SSC5D: variants seen among roughly 807,000 people sequenced by gnomAD.
SSC5D encodes the protein soluble scavenger receptor cysteine-rich domain-containing protein SSC5D.
In SSC5D, 106 loss-of-function variants were observed where a neutral mutation model predicts 104.6. The ratio of observed to expected loss-of-function variants is 1.01; its 90% CI spans 0.87 to 1.19. The LOEUF (loss-of-function observed/expected upper bound fraction) is 1.19, where lower values mean the gene tolerates loss of function less well. Among genes scored for constraint, SSC5D ranks in the 50% most tolerant of loss-of-function variants. The pLI is 0.00. For synonymous variants in SSC5D, 860 were observed against 883.5 expected (o/e 0.97, Z 0.47); for missense variants, 1,993 against 2,153.8 (o/e 0.93, Z 1.48).
intron 6 of SSC5D, chr19:55,491,281 C>G (rs1278405878): frequency 1.6e-6 from 1 of 641,580 alleles, no homozygotes. Flanking sequence ...ATGGGAGGAG[C>G]AGGCTTGAGG....
chr19:55,506,417 C>T (rs1466482381), intron 12 of SSC5D, among the ~76,000 whole-genome samples: 15 of 102,602 alleles, frequency 1.5e-4, no homozygotes, highest in African/African-American at 5.6e-4. Flanking sequence ...TTTTTTGAGA[C>T]GGAGTCTCGC....
intron 9 of SSC5D, among the ~76,000 whole-genome samples, chr19:55,498,468 C>G (rs962171649): frequency 3.3e-5 from 5 of 152,220 alleles, no homozygotes; most frequent in Admixed American, 3.3e-4. Context: ...GGGATTCCCA[C>G]TCAGAGAAGC....
chr19:55,488,985 A>AC, intron 1 of SSC5D, 21 bp from the exon 2 acceptor site: 1 of 1,178,106 alleles, frequency 8.5e-7, no homozygotes, highest in South Asian at 1.7e-5. Context: ...ACACTGCCCC[A>AC]CCCTCCGCCC....
chr19:55,515,738 AAAAAT>A (rs1568485204), intron 13 of SSC5D, among the ~76,000 whole-genome samples: 1 of 149,986 alleles, frequency 6.7e-6, no homozygotes. Flanking sequence ...TCTCAAAAAA[AAAAAT>A]AAAATAAAAT....
chr19:55,501,312 AC>A (rs1987498013), intron 12 of SSC5D, 111 bp downstream of exon 12: 1 of 1,321,080 alleles, frequency 7.6e-7, no homozygotes, highest in South Asian at 1.6e-5. Flanking sequence ...GCCTCGGGGC[AC>A]CCTGGAAAGG....
In SSC5D at chr19:55,512,909, C is replaced by T. The variant is rs767725850; in HGVS notation, c.2786-102C>T. On this transcript the variant is annotated intron_variant, in intron 12 of 13. Coordinates refer to ENST00000389623, the MANE Select transcript of SSC5D (RefSeq NM_001144950.2). ...GGCTGCAGTGGCGGTGCAGTTGAGA[C>T]GGGATGATGCCTGAACTGGGGCTGG... is the stretch of plus-strand genomic sequence containing the variant. 3.6e-5 allele frequency: 51 copies of T among 1,410,268 alleles called. No individual in the cohort carries two copies. The East Asian group carries it at 8.0e-4, about 22-fold the overall frequency. The allele number at this position is 1,410,268 out of a possible 1,614,324, so 87.4% of individuals were successfully genotyped here.
chr19:55,516,268 C>T (rs970441144), intron 13 of SSC5D, among the ~76,000 whole-genome samples: 21 of 151,920 alleles, frequency 1.4e-4, no homozygotes, highest in Admixed American at 1.4e-3. Flanking sequence ...GAGGCCCAGG[C>T]GGGCGGATCA....
intron 13 of SSC5D, among the ~76,000 whole-genome samples, chr19:55,516,413 T>C (rs894016229): frequency 2.7e-5 from 4 of 150,898 alleles, no homozygotes; most frequent in African/African-American, 7.3e-5. Context: ...AGGAGAATGG[T>C]GTGAACCCGG....
chr19:55,488,728 A>T lies in SSC5D; in HGVS notation c.25+114A>T, dbSNP rs1025356801. On this transcript the variant is annotated intron_variant, in intron 1 of 13. Coordinates refer to ENST00000389623, the MANE Select transcript of SSC5D (RefSeq NM_001144950.2). ...CGGGACTGGTCGCTGGTGCTCCTGC[A>T]TACCCTGACATCCCTTCTGAGGATC... The T allele has an allele frequency of 6.5e-6, 6 of 918,500 alleles. No homozygotes were observed. In the East Asian group the frequency reaches 1.6e-4, roughly 24 times the overall value. The allele number at this position is 918,500 out of a possible 1,614,324, so 56.9% of individuals were successfully genotyped here.
Position 55,488,992 on chromosome 19 carries a change from G to A in SSC5D, c.26-14G>A, listed in dbSNP as rs1987041927. ...TGCCCCTCACACTGCCCCACCCTCC[G>A]CCCTCCCTTCCAGCGGCCCTGGTGG... On this transcript the variant is annotated splice_polypyrimidine_tract_variant and intron_variant, in intron 1 of 13. Transcript: ENST00000389623. 7 of 1,463,802 alleles carry A rather than the reference G, an allele frequency of 4.8e-6. No individual in the cohort carries two copies. Among genetic ancestry groups the A allele is most frequent in the African/African-American group, 1.5e-5 (1 of 67,140 alleles). 90.7% of individuals were successfully genotyped at this position (1,463,802 alleles called of 1,614,324 possible). A position where few individuals can be genotyped will look rare whatever the true frequency, so the allele number is the denominator to read the frequency against.
At chr19:55,490,743 A>G in intron 5 of SSC5D, 29 bp from the exon 6 acceptor site, 1 of 1,458,884 alleles carries the variant, frequency 6.9e-7, no homozygotes, top group Non-Finnish European at 9.0e-7. Flanking sequence ...CTCACTGGCC[A>G]CACCGTCCCC....
chr19:55,514,847 T>TA (rs1269307204), intron 13 of SSC5D, among the ~76,000 whole-genome samples: 1 of 152,086 alleles, frequency 6.6e-6, no homozygotes, highest in East Asian at 1.9e-4. Flanking sequence ...GCAAGGGAGA[T>TA]ACGCGGATCA....
At chr19:55,507,719 C>T (rs1397796943) in intron 12 of SSC5D, among the ~76,000 whole-genome samples, 1 of 150,264 alleles carries the variant, frequency 6.7e-6, no homozygotes, top group Non-Finnish European at 1.5e-5. Context: ...TAAGAAGGTG[C>T]CATTTAAGTG....
chr19:55,501,091 AC>A lies in SSC5D; in HGVS notation c.2677del (p.Leu893TrpfsTer30), dbSNP rs1568480215. 1 of 1,551,684 alleles carries A rather than the reference AC, an allele frequency of 6.4e-7. No homozygotes were observed. Among genetic ancestry groups the A allele is most frequent in the Non-Finnish European group, 8.7e-7 (1 of 1,146,962 alleles). ...ACCTGGGACCCCACCTCAAGAGAGG[AC>A]CTGGCCAAGGGGACTACCACAGCGG... ...PWTWDPTSRE[D>X]LAKGTTTAGV... On this transcript the variant is annotated frameshift_variant, in exon 12 of 14. Coordinates refer to ENST00000389623, the MANE Select transcript of SSC5D (RefSeq NM_001144950.2). LOFTEE classifies it high-confidence loss of function.
chr19:55,488,623 T>A lies in SSC5D; in HGVS notation c.25+9T>A. 2 of 1,549,658 alleles carry A rather than the reference T, an allele frequency of 1.3e-6. No homozygotes were observed. Among genetic ancestry groups the A allele is most frequent in the Non-Finnish European group, 1.7e-6 (2 of 1,146,176 alleles). On this transcript the variant is annotated intron_variant, in intron 1 of 13. Coordinates refer to ENST00000389623, the MANE Select transcript of SSC5D (RefSeq NM_001144950.2). Reference sequence around the variant, plus strand: ...CTTGGCCTGCCTCCTTGGTGAGTGATCCATTCTCCTTGGGGACTCGGGGGG... The same window carrying A: ...CTTGGCCTGCCTCCTTGGTGAGTGAACCATTCTCCTTGGGGACTCGGGGGG...
In SSC5D at chr19:55,518,033, T is replaced by G. The variant is rs1327485454; in HGVS notation, c.3757T>G (p.Ser1253Ala). 1.0e-6 allele frequency: 1 copy of G among 997,488 alleles called. No individual in the cohort carries two copies. 61.8% of individuals were successfully genotyped at this position (997,488 alleles called of 1,614,324 possible). ...TTPHPTTITH[S>A]TMIPDPTTTP... The stretch of plus-strand genomic sequence containing the variant: ...CCCTCATCCCACCACCATCACTCAC[T>G]CCACCATGATTCCTGACCCCACCAC... Residue 1253 changes from serine to alanine, a missense_variant, in exon 14 of 14, where the codon TCC becomes GCC. Physicochemically the swap from Ser to Ala is moderately conservative, Grantham distance 99 (BLOSUM62 1). This residue lies in a region of SSC5D where 20 missense variants were observed against 102.5 expected (regional missense o/e 0.20). Transcript: ENST00000389623.
At position 55,518,141 on chromosome 19, in the gene SSC5D, C is replaced by T; in HGVS notation, c.3865C>T (p.Pro1289Ser). Reference protein sequence around the residue: ...TTPHPTTTPHPTTTPHPTTTP... With the variant: ...TTPHPTTTPHSTTTPHPTTTP... The stretch of plus-strand genomic sequence containing the variant: ...CCCTCACCCCACCACGACTCCTCAC[C>T]CCACCACAACCCCTCACCCCACCAC... Residue 1289 changes from proline to serine, a missense_variant, in exon 14 of 14, where the codon CCC becomes TCC. By Grantham distance (74) the Pro-to-Ser change is moderately conservative. This residue lies in a region of SSC5D where 349 missense variants were observed against 397.6 expected (regional missense o/e 0.88). Transcript: ENST00000389623. 3 of 1,441,888 alleles carry T rather than the reference C, an allele frequency of 2.1e-6. No individual in the cohort carries two copies. The highest frequency in any genetic ancestry group is 9.3e-7 in the Non-Finnish European group (1 of 1,076,068). 89.3% of individuals were successfully genotyped at this position (1,441,888 alleles called of 1,614,324 possible).
rs1345601112 is a variant in SSC5D at position 55,517,794 on chromosome 19, C to T, written c.3518C>T (p.Pro1173Leu). The T allele has an allele frequency of 3.6e-5, 55 of 1,548,904 alleles. No individual in the cohort carries two copies. The highest frequency in any genetic ancestry group is 4.6e-5 in the Non-Finnish European group (53 of 1,145,926). Residue 1173 changes from proline (P) to leucine (L), a missense_variant, in exon 14 of 14, where the codon CCT becomes CTT. Coordinates refer to ENST00000389623, the MANE Select transcript of SSC5D (RefSeq NM_001144950.2). ...PITTLNPTVT[P>L]HFPTTPHPTT... ...ACAACCCTTAACCCTACTGTGACCC[C>T]TCACTTCCCTACCACCCCTCACCCC... is the stretch of plus-strand genomic sequence containing the variant.
In SSC5D at chr19:55,493,828, G is replaced by A. The variant is rs990652906; in HGVS notation, c.1129G>A (p.Glu377Lys). 15 of 1,549,398 alleles carry A rather than the reference G, an allele frequency of 9.7e-6. No homozygotes were observed. Among genetic ancestry groups the A allele is most frequent in the African/African-American group, 6.9e-5 (5 of 72,972 alleles). ...GGACGACCTTCGGTGTCGGGGAAAC[G>A]AGACGGCCTTACGATTCTGCCCAGC... The part of the protein sequence containing the change: ...ILDDLRCRGN[E>K]TALRFCPARP... The change falls in exon 7 of 14, where the codon GAG (glutamate) becomes AAG (lysine). Residue 377 changes from glutamate (E) to lysine (K), a missense_variant. By Grantham distance (56) the Glu-to-Lys change is moderately conservative. Around this residue, in one of 6 missense-constraint regions of SSC5D, gnomAD observed 1,101 missense variants for 1,085.0 expected, o/e 1.01. Transcript: ENST00000389623.
Sources: gnomAD v4.1 joint callset for allele counts (sites outside exome capture counted in the v4.1 genomes callset) on GRCh38, gnomAD v4.1.1 for gene constraint, gnomAD v4.1.1 regional missense constraint, MANE v1.5 for transcripts, NCBI Gene and HGNC (gene_info 2026-07-23, HGNC 2026-07-21) for gene names.